EPHX2: variants seen among roughly 807,000 people sequenced by gnomAD.
EPHX2 encodes the protein bifunctional epoxide hydrolase 2.
A neutral mutation model predicts 78.7 loss-of-function variants in EPHX2; 74 were observed. The ratio of observed to expected loss-of-function variants is 0.94; its 90% CI spans 0.78 to 1.14. EPHX2 has a LOEUF of 1.14. Among genes scored for constraint, EPHX2 ranks in the 50% most tolerant of loss-of-function variants. The probability of loss-of-function intolerance (pLI) is 0.00; values close to 1 mark genes in which losing one functional copy is unlikely to be tolerated. For synonymous variants in EPHX2, 251 were observed against 255.2 expected (o/e 0.98, Z 0.16); for missense variants, 715 against 702.5 (o/e 1.02, Z -0.20).
intron 5 of EPHX2, among the ~76,000 whole-genome samples, chr8:27,508,780 G>C (rs1053439702): frequency 2.0e-5 from 3 of 152,012 alleles, no homozygotes; most frequent in Admixed American, 6.5e-5. Context: ...GCACGCACGT[G>C]TGTGTGTGGA....
chr8:27,503,557 C>G (rs765986296), intron 2 of EPHX2, 47 bp from the exon 3 acceptor site: 2 of 1,557,376 alleles, frequency 1.3e-6, no homozygotes, highest in East Asian at 2.4e-5. Context: ...CCTGCCAGAG[C>G]TTTTCTGAGT....
intron 1 of EPHX2, among the ~76,000 whole-genome samples, chr8:27,494,284 G>A (rs994119559): frequency 6.6e-6 from 1 of 152,124 alleles, no homozygotes; most frequent in East Asian, 1.9e-4. Flanking sequence ...GATGGTATTC[G>A]GTATTCGTGG....
downstream of EPHX2, among the ~76,000 whole-genome samples, chr8:27,547,255 C>T (rs986406577): frequency 2.0e-5 from 3 of 152,194 alleles, no homozygotes; most frequent in Non-Finnish European, 2.9e-5. Flanking sequence ...ATGTCCAGGG[C>T]TATGTTTCCT....
At chr8:27,532,423 G>T (rs897988141) in intron 12 of EPHX2, among the ~76,000 whole-genome samples, 2 of 152,208 alleles carry the variant, frequency 1.3e-5, no homozygotes, top group African/African-American at 4.8e-5. Flanking sequence ...CTGGATAGGG[G>T]CTTCTCCTTT....
intron 14 of EPHX2, 108 bp downstream of exon 14, chr8:27,538,800 C>G: frequency 7.6e-7 from 1 of 1,322,974 alleles, no homozygotes; most frequent in Non-Finnish European, 1.1e-6. Flanking sequence ...CAGCTCTGAA[C>G]TTTAAGTTGC....
At chr8:27,547,946 G>A (rs981841862), downstream of EPHX2, among the ~76,000 whole-genome samples, 2 of 152,100 alleles carry the variant, frequency 1.3e-5, no homozygotes, top group African/African-American at 4.8e-5. Flanking sequence ...GATTACAAAG[G>A]GAATAGATTA....
intron 12 of EPHX2, among the ~76,000 whole-genome samples, chr8:27,533,737 A>G (rs564644405): frequency 1.4e-4 from 21 of 151,948 alleles, no homozygotes; most frequent in Admixed American, 1.2e-3. Flanking sequence ...ACAGGCATGC[A>G]CCACCATGCC....
intron 2 of EPHX2, among the ~76,000 whole-genome samples, chr8:27,501,381 C>CTTCTTCTTT (rs1813784496): frequency 8.8e-6 from 1 of 113,200 alleles, no homozygotes; most frequent in African/African-American, 3.8e-5. Flanking sequence ...TCTTCTTCTT[C>CTTCTTCTTT]TTCTTCTTCT....
At chr8:27,541,425 G>A in intron 15 of EPHX2, 48 bp from the exon 16 acceptor site, 2 of 1,591,358 alleles carry the variant, frequency 1.3e-6, no homozygotes, top group Non-Finnish European at 1.7e-6. Flanking sequence ...CTGTAGCAGA[G>A]CCGTCTACTT....
chr8:27,536,967 TTTCTATAG>T lies in EPHX2; in HGVS notation c.1242+114_1242+121del, dbSNP rs1323570827. 3.5e-6 allele frequency: 4 copies of T among 1,139,804 alleles called. No individual in the cohort carries two copies. The African/African-American group carries it at 6.3e-5, about 18-fold the overall frequency. 70.6% of individuals were successfully genotyped at this position (1,139,804 alleles called of 1,614,324 possible). ...AGCAATCTGGCCTCCTTTTCTTTCA[TTTCTATAG>T]TCAGGGTAATTGAGGTCCTCACTCT... On this transcript the variant is annotated intron_variant, in intron 13 of 18. Coordinates refer to ENST00000521400, the MANE Select transcript of EPHX2 (RefSeq NM_001979.6).
chr8:27,515,899 A>T, intron 7 of EPHX2, 86 bp downstream of exon 7: 1 of 1,172,200 alleles, frequency 8.5e-7, no homozygotes, highest in Non-Finnish European at 1.3e-6. Flanking sequence ...GTCGTGAGGA[A>T]GCTGAAACCT....
chr8:27,544,609 A>C lies in EPHX2; in HGVS notation c.*87A>C. On this transcript the variant is annotated 3_prime_UTR_variant, in exon 19 of 19. Coordinates refer to ENST00000521400, the MANE Select transcript of EPHX2 (RefSeq NM_001979.6). ...TTAGTATACAGAGGTGGCCTTACAC[A>C]CATCTTGCATGGATGGCAGCATTGT... 1 of 1,362,926 alleles carries C rather than the reference A, an allele frequency of 7.3e-7. No individual in the cohort carries two copies. Among genetic ancestry groups the C allele is most frequent in the Non-Finnish European group, 1.0e-6 (1 of 955,720 alleles). The allele number at this position is 1,362,926 out of a possible 1,614,324, so 84.4% of individuals were successfully genotyped here. A position where few individuals can be genotyped will look rare whatever the true frequency, so the allele number is the denominator to read the frequency against.
At chr8:27,520,948 C>T in intron 10 of EPHX2, 39 bp downstream of exon 10, 12 of 1,612,866 alleles carry the variant, frequency 7.4e-6, no homozygotes, top group Non-Finnish European at 1.0e-5. Context: ...TGGAGAATTC[C>T]TTTGGGGCCT....
At position 27,506,940 on chromosome 8, in the gene EPHX2, G is replaced by A; in HGVS notation, c.606G>A (p.Leu202=). ...GTGACTTGGGAATGGTCACCATCCT[G>A]GTCCAGGACACTGACACGGCCCTGA... ...PARDLGMVTI[L]VQDTDTALKE... is the part of the protein sequence containing the mutation. The change falls in exon 5 of 19, where the codon CTG becomes CTA. Residue 202 remains leucine (L), a synonymous_variant. Transcript: ENST00000521400. 1 of 1,614,106 alleles carries A rather than the reference G, an allele frequency of 6.2e-7. No homozygotes were observed. Among genetic ancestry groups the A allele is most frequent in the Non-Finnish European group, 8.5e-7 (1 of 1,180,022 alleles).
chr8:27,505,480 G>GT (rs1252990929), intron 4 of EPHX2, among the ~76,000 whole-genome samples: 1 of 152,164 alleles, frequency 6.6e-6, no homozygotes, highest in Non-Finnish European at 1.5e-5. Flanking sequence ...TAGTAGTCAG[G>GT]TTCATCCCCA....
rs72475877 is a variant in EPHX2 at position 27,521,813 on chromosome 8, G to A, written c.973-610G>A. Among the ~76,000 whole-genome samples, 667 of 131,260 alleles carry A rather than the reference G, an allele frequency of 5.1e-3. 21 individuals carry two copies. Among genetic ancestry groups the A allele is most frequent in the Admixed American group, 0.044 (587 of 13,342 alleles). 86.1% of individuals were successfully genotyped at this position (131,260 alleles called of 152,430 possible). ...GCTGCCAGTGGGGTCAGTGTGGAGCGAGGTGTGGATAGGCTCTGCCATCTA... is the reference window on the plus strand; with the variant it reads ...GCTGCCAGTGGGGTCAGTGTGGAGCAAGGTGTGGATAGGCTCTGCCATCTA... On this transcript the variant is annotated intron_variant, in intron 10 of 18. Transcript: ENST00000521400.
chr8:27,540,558 A>T lies in EPHX2; in HGVS notation c.1281A>T (p.Gly427=). The T allele has an allele frequency of 6.2e-7, 1 of 1,613,994 alleles. No individual in the cohort carries two copies. The highest frequency in any genetic ancestry group is 8.5e-7 in the Non-Finnish European group (1 of 1,179,962). Residue 427 remains glycine, a synonymous_variant, in exon 15 of 19, where the codon GGA becomes GGT. Coordinates refer to ENST00000521400, the MANE Select transcript of EPHX2 (RefSeq NM_001979.6). Reference sequence around the variant, plus strand: ...AACAAGTGGCTTTTTTTGCAGGAGGACTTTTTGTAAATAGCCCAGAAGAGC... The same window carrying T: ...AACAAGTGGCTTTTTTTGCAGGAGGTCTTTTTGTAAATAGCCCAGAAGAGC... ...LSMHKVCEAG[G]LFVNSPEEPS...
intron 1 of EPHX2, among the ~76,000 whole-genome samples, chr8:27,494,908 G>T (rs1198716652): frequency 6.6e-6 from 1 of 152,208 alleles, no homozygotes; most frequent in African/African-American, 2.4e-5. Flanking sequence ...ATTCTGTTTC[G>T]GTTGGGGAAT....
Position 27,520,871 on chromosome 8 carries a change from C to T in EPHX2, c.946-12C>T, listed in dbSNP as rs751491952. On this transcript the variant is annotated splice_polypyrimidine_tract_variant and intron_variant, in intron 9 of 18. Transcript: ENST00000521400. ...GGTTGCTGATTTTGCCTGTGTGTGT[C>T]TTCTTCCTTAGGAGATGGTAACCTT... The T allele has an allele frequency of 1.9e-6, 3 of 1,614,162 alleles. No individual in the cohort carries two copies. The highest frequency in any genetic ancestry group is 2.5e-6 in the Non-Finnish European group (3 of 1,180,034).
Sources: allele counts gnomAD v4.1 joint callset (sites outside exome capture counted in the v4.1 genomes callset), GRCh38; gene constraint gnomAD v4.1.1; transcripts MANE v1.5; gene names NCBI Gene and HGNC (gene_info 2026-07-23, HGNC 2026-07-21).